TMTC2: variants seen among roughly 807,000 people sequenced by gnomAD.
TMTC2 encodes the protein protein O-mannosyl-transferase TMTC2.
TMTC2 carries 43 observed loss-of-function variants against 82.4 expected under a neutral mutation model. The observed-to-expected ratio is 0.52, with a 90% CI of 0.41 to 0.67. The LOEUF (loss-of-function observed/expected upper bound fraction) is 0.67, where lower values mean the gene tolerates loss of function less well. Among genes scored for constraint, TMTC2 ranks in the 30% least tolerant of loss-of-function variants. The probability of loss-of-function intolerance (pLI) is 0.00; values close to 1 mark genes in which losing one functional copy is unlikely to be tolerated. For missense variants in TMTC2, 919 were observed against 1,012.4 expected (o/e 0.91, Z 1.25); for synonymous variants, 408 against 381.9 (o/e 1.07, Z -0.80).
chr12:82,877,695 A>C (rs1294088641), intron 2 of TMTC2, among the ~76,000 whole-genome samples: 1 of 152,178 alleles, frequency 6.6e-6, no homozygotes, highest in African/African-American at 2.4e-5. Context: ...AGGATAAGGA[A>C]CTTGACTTGG....
At chr12:82,813,153 A>T (rs1385083388) in intron 1 of TMTC2, among the ~76,000 whole-genome samples, 1 of 152,062 alleles carries the variant, frequency 6.6e-6, no homozygotes. Context: ...ACTTATGCCA[A>T]TATGTATAGT....
intron 3 of TMTC2, among the ~76,000 whole-genome samples, chr12:82,903,274 G>A (rs1371026585): frequency 6.6e-6 from 1 of 151,930 alleles, no homozygotes; most frequent in African/African-American, 2.4e-5. Context: ...CTCTTTCCAT[G>A]CTTCATTTTT....
chr12:83,124,153 C>T (rs908928771), intron 11 of TMTC2, among the ~76,000 whole-genome samples: 1 of 152,218 alleles, frequency 6.6e-6, no homozygotes, highest in Non-Finnish European at 1.5e-5. Context: ...CAAGTATGTA[C>T]TTAAAATTAC....
rs1326994239 is a variant in TMTC2 at position 82,900,920 on chromosome 12, C to A, written c.1483+4274C>A. On this transcript the variant is annotated intron_variant, in intron 3 of 11. Transcript: ENST00000321196. The stretch of plus-strand genomic sequence containing the variant: ...TATATATATAGGAATATATATATAT[C>A]TGGAATATATATATAGGAATATATA... 3.3e-4 allele frequency among the ~76,000 whole-genome samples: 31 copies of A among 93,176 alleles called. 1 individual carries two copies. Among genetic ancestry groups the A allele is most frequent in the East Asian group, 1.2e-3 (4 of 3,314 alleles). 61.1% of individuals were successfully genotyped at this position (93,176 alleles called of 152,430 possible).
rs568463576 is a variant in TMTC2 at position 82,986,332 on chromosome 12, G to A, written c.2070+286G>A. 3.0e-4 allele frequency: 91 copies of A among 304,926 alleles called. 1 individual carries two copies. The highest frequency in any genetic ancestry group is 3.4e-4 in the Non-Finnish European group (55 of 160,282). 18.9% of individuals were successfully genotyped at this position (304,926 alleles called of 1,614,324 possible). On this transcript the variant is annotated intron_variant, in intron 8 of 11. Coordinates refer to ENST00000321196, the MANE Select transcript of TMTC2 (RefSeq NM_152588.3). The stretch of plus-strand genomic sequence containing the variant: ...GGTCTAGATAAGATGTGAGATGTCC[G>A]TATCATCCCTGTATCAAAACATCTC...
At chr12:82,811,504 G>T (rs1868384610) in intron 1 of TMTC2, among the ~76,000 whole-genome samples, 2 of 151,922 alleles carry the variant, frequency 1.3e-5, no homozygotes, top group Admixed American at 6.6e-5. Flanking sequence ...TCTAAGTAGT[G>T]TTGTCACAGA....
At chr12:82,935,460 A>G (rs1377104289) in intron 4 of TMTC2, among the ~76,000 whole-genome samples, 1 of 152,198 alleles carries the variant, frequency 6.6e-6, no homozygotes, top group East Asian at 1.9e-4. Context: ...CTTTTCATGT[A>G]TAATACATTT....
At chr12:82,887,166 T>C (rs1873144749) in intron 2 of TMTC2, among the ~76,000 whole-genome samples, 1 of 152,244 alleles carries the variant, frequency 6.6e-6, no homozygotes, top group African/African-American at 2.4e-5. Flanking sequence ...TGCCAAAATG[T>C]AGGTCTCATG....
chr12:83,115,116 T>C (rs78796108), intron 11 of TMTC2, among the ~76,000 whole-genome samples: 5,530 of 152,246 alleles, frequency 0.036, 166 homozygotes, highest in Non-Finnish European at 0.054. Context: ...TCATGTATTA[T>C]GTATTTTTAA....
chr12:82,930,190 A>G (rs138126160), intron 3 of TMTC2, among the ~76,000 whole-genome samples: 1 of 152,334 alleles, frequency 6.6e-6, no homozygotes, highest in African/African-American at 2.4e-5. Flanking sequence ...TCTTGGCCTT[A>G]TGATGAACTG....
chr12:82,767,803 C>T (rs916930729), intron 1 of TMTC2, among the ~76,000 whole-genome samples: 1 of 152,072 alleles, frequency 6.6e-6, no homozygotes, highest in African/African-American at 2.4e-5. Context: ...TTCTGCTATT[C>T]TGAAATTTTC....
intron 1 of TMTC2, among the ~76,000 whole-genome samples, chr12:82,855,354 A>C (rs1044162997): frequency 3.3e-5 from 5 of 152,182 alleles, no homozygotes; most frequent in Non-Finnish European, 7.3e-5. Context: ...GAGTTTTTCC[A>C]ACCTGCTTTT....
chr12:82,977,939 A>G (rs1193031647), intron 7 of TMTC2, among the ~76,000 whole-genome samples: 2 of 151,734 alleles, frequency 1.3e-5, no homozygotes, highest in African/African-American at 4.8e-5. Flanking sequence ...CACTGGAAGG[A>G]ACCTAGATGC....
intron 11 of TMTC2, among the ~76,000 whole-genome samples, chr12:83,112,091 G>A (rs1324266469): frequency 6.6e-6 from 1 of 152,136 alleles, no homozygotes; most frequent in Non-Finnish European, 1.5e-5. Context: ...AAGTAACAGA[G>A]TGAGACCCTG....
intron 11 of TMTC2, among the ~76,000 whole-genome samples, chr12:83,081,767 A>C (rs1883479035): frequency 6.6e-6 from 1 of 152,196 alleles, no homozygotes; most frequent in African/African-American, 2.4e-5. Flanking sequence ...GGCTGGGCGC[A>C]GTGGCTCATG....
intron 1 of TMTC2, among the ~76,000 whole-genome samples, chr12:82,823,554 T>A (rs1869236460): frequency 6.6e-6 from 1 of 152,252 alleles, no homozygotes; most frequent in East Asian, 1.9e-4. Context: ...TTAGTATTTC[T>A]AAGTGTTAGT....
At chr12:82,851,903 C>CAA (rs879483505) in intron 1 of TMTC2, among the ~76,000 whole-genome samples, 1 of 118,614 alleles carries the variant, frequency 8.4e-6, no homozygotes, top group Non-Finnish European at 1.8e-5. Context: ...GGTCACGAGA[C>CAA]AAAAAAAAAA....
intron 2 of TMTC2, among the ~76,000 whole-genome samples, chr12:82,886,546 C>T (rs994110295): frequency 6.6e-6 from 1 of 152,124 alleles, no homozygotes; most frequent in African/African-American, 2.4e-5. Context: ...TACTGAATAT[C>T]TTAAGATACT....
chr12:82,857,063 T>A lies in TMTC2; in HGVS notation c.137T>A (p.Ile46Asn). The change falls in exon 2 of 12, where the codon ATT (isoleucine) becomes AAT (asparagine). Residue 46 changes from isoleucine to asparagine, a missense_variant. Ile to Asn is a moderately radical substitution (Grantham distance 149). Coordinates refer to ENST00000321196, the MANE Select transcript of TMTC2 (RefSeq NM_152588.3). ...DLLPETPWTHIFYNDFWGTLL... is the reference protein window; with the variant it reads ...DLLPETPWTHNFYNDFWGTLL... ...CTCCCAGAAACTCCATGGACGCACATTTTCTACAATGATTTTTGGGGGACT... is the reference window on the plus strand; with the variant it reads ...CTCCCAGAAACTCCATGGACGCACAATTTCTACAATGATTTTTGGGGGACT... 6.2e-7 allele frequency: 1 copy of A among 1,613,590 alleles called. No homozygotes were observed. The highest frequency in any genetic ancestry group is 8.5e-7 in the Non-Finnish European group (1 of 1,180,018).
Sources: allele counts gnomAD v4.1 joint callset (sites outside exome capture counted in the v4.1 genomes callset), GRCh38; gene constraint gnomAD v4.1.1; transcripts MANE v1.5; gene names NCBI Gene and HGNC (gene_info 2026-07-23, HGNC 2026-07-21).